Variants in ATP2C2 observed in about 807,000 individuals in gnomAD.
ATP2C2 encodes the protein ATPase secretory pathway Ca2+ transporting 2.
ATP2C2 carries 171 observed loss-of-function variants against 110.8 expected under a neutral mutation model. That is an observed-to-expected ratio of 1.54 (90% CI 1.36 to 1.75). The LOEUF (loss-of-function observed/expected upper bound fraction) is 1.75, where lower values mean the gene tolerates loss of function less well. ATP2C2 is among the 40% of genes most tolerant of loss of function. The pLI, the probability that ATP2C2 is intolerant of heterozygous loss-of-function variation, is 0.00. For synonymous variants in ATP2C2, 804 were observed against 508.4 expected (o/e 1.58, Z -7.82); for missense variants, 1,963 against 1,235.0 (o/e 1.59, Z -8.84).
At chr16:84,455,749 T>C (rs1363219175) in intron 21 of ATP2C2, among the ~76,000 whole-genome samples, 1 of 96,056 alleles carries the variant, frequency 1.0e-5, no homozygotes. Context: ...TTAACACACT[T>C]AGAAAAAAAA....
chr16:84,451,202 A>T (rs187740537), intron 17 of ATP2C2, among the ~76,000 whole-genome samples: 2 of 152,304 alleles, frequency 1.3e-5, no homozygotes, highest in Admixed American at 1.3e-4. Context: ...GAAACCCCTC[A>T]TAAAACCATC....
chr16:84,370,265 C>T (rs1248615200), intron 1 of ATP2C2, among the ~76,000 whole-genome samples: 1 of 152,202 alleles, frequency 6.6e-6, no homozygotes, highest in African/African-American at 2.4e-5. Context: ...GCCGGTCTGT[C>T]AGTGTGCTCT....
chr16:84,377,067 G>C (rs888786160), intron 1 of ATP2C2, among the ~76,000 whole-genome samples: 6 of 152,216 alleles, frequency 3.9e-5, no homozygotes, highest in African/African-American at 1.4e-4. Flanking sequence ...TAAGAACATG[G>C]GAAATTTAGT....
chr16:84,401,114 T>G (rs1056300417), intron 2 of ATP2C2, among the ~76,000 whole-genome samples: 4 of 152,214 alleles, frequency 2.6e-5, no homozygotes, highest in African/African-American at 9.6e-5. Flanking sequence ...TGCCTGTGCT[T>G]GTAGTATATT....
chr16:84,439,907 T>C (rs1399362846), intron 13 of ATP2C2, among the ~76,000 whole-genome samples: 2 of 152,218 alleles, frequency 1.3e-5, no homozygotes, highest in Non-Finnish European at 2.9e-5. Flanking sequence ...TGATCTCTGC[T>C]CACTGTAACC....
In ATP2C2 at chr16:84,418,599, T is replaced by C. The variant is rs1310606442; in HGVS notation, c.624+3008T>C. Among the ~76,000 whole-genome samples, 7 of 152,366 alleles carry C rather than the reference T, an allele frequency of 4.6e-5. No homozygotes were observed. In the East Asian group the frequency reaches 1.3e-3, roughly 29 times the overall value. ...TTATTTTTCCTCTGCGTTATTTTACTACACGGACACAGCAGCCCGCAGAGG... is the reference window on the plus strand; with the variant it reads ...TTATTTTTCCTCTGCGTTATTTTACCACACGGACACAGCAGCCCGCAGAGG... On this transcript the variant is annotated intron_variant, in intron 7 of 26. Coordinates refer to ENST00000262429, the MANE Select transcript of ATP2C2 (RefSeq NM_014861.4).
intron 23 of ATP2C2, 72 bp from the exon 24 acceptor site, chr16:84,460,582 G>A: frequency 4.4e-6 from 7 of 1,607,872 alleles, no homozygotes; most frequent in Non-Finnish European, 5.1e-6. Flanking sequence ...GGAGGCTCAG[G>A]CACAGCTGTT....
intron 25 of ATP2C2, 54 bp from the exon 26 acceptor site, chr16:84,461,934 C>G: frequency 1.9e-6 from 3 of 1,608,360 alleles, no homozygotes; most frequent in South Asian, 2.2e-5. Flanking sequence ...GCTCCCCTGC[C>G]TGTACCTGGG....
chr16:84,438,942 CAGGAG>C, intron 11 of ATP2C2: 1 of 515,008 alleles, frequency 1.9e-6, no homozygotes, highest in Non-Finnish European at 3.4e-6. Flanking sequence ...GGATGACTGA[CAGGAG>C]AGGTCCCTTC....
At chr16:84,454,753 T>C in intron 20 of ATP2C2, 65 bp from the exon 21 acceptor site, 1 of 1,484,304 alleles carries the variant, frequency 6.7e-7, no homozygotes, top group East Asian at 2.4e-5. Flanking sequence ...CCACAGGGTG[T>C]GCATGGCCGG....
At chr16:84,369,213 T>C (rs1181841910) in intron 1 of ATP2C2, among the ~76,000 whole-genome samples, 2 of 152,216 alleles carry the variant, frequency 1.3e-5, no homozygotes, top group East Asian at 3.8e-4. Flanking sequence ...TCAGGTACTT[T>C]TAGAAAGTCA....
intron 1 of ATP2C2, among the ~76,000 whole-genome samples, chr16:84,392,704 C>G (rs1597749762): frequency 6.6e-6 from 1 of 152,186 alleles, no homozygotes; most frequent in South Asian, 2.1e-4. Flanking sequence ...TTCAGGTGAT[C>G]TGCCTGCCTT....
intron 1 of ATP2C2, 145 bp downstream of exon 1, chr16:84,368,859 C>G (rs1909787411): frequency 8.4e-6 from 6 of 716,060 alleles, no homozygotes; most frequent in Middle Eastern, 3.9e-4. Context: ...GCTGTCCTCA[C>G]AGCAACCGCG....
chr16:84,446,471 C>T (rs755791265), intron 16 of ATP2C2, 41 bp downstream of exon 16: 20 of 1,439,536 alleles, frequency 1.4e-5, no homozygotes, highest in Middle Eastern at 1.8e-4. Flanking sequence ...TCTTTCTGCC[C>T]GGGCCCCCAC....
At chr16:84,437,619 A>C (rs1908861252) in intron 11 of ATP2C2, among the ~76,000 whole-genome samples, 1 of 152,002 alleles carries the variant, frequency 6.6e-6, no homozygotes, top group African/African-American at 2.4e-5. Flanking sequence ...AGGTTCAAGC[A>C]ATTCTCCTGC....
At chr16:84,460,349 G>C (rs77444095) in intron 23 of ATP2C2, 29 of 322,222 alleles carry the variant, frequency 9.0e-5, no homozygotes, top group Non-Finnish European at 1.3e-4. Context: ...CGCAACGTTG[G>C]GGGGGGTCCC....
rs532747467 is a variant in ATP2C2 at position 84,415,524 on chromosome 16, T to G, written c.557T>G (p.Leu186Arg). 2 of 1,614,202 alleles carry G rather than the reference T, an allele frequency of 1.2e-6. No homozygotes were observed. The highest frequency in any genetic ancestry group is 4.5e-5 in the East Asian group (2 of 44,880). ...GKLQHLLARE[L>R]VPGDVVSLSI... Reference sequence around the variant, plus strand: ...CTCCAGCACCTGCTTGCTCGAGAACTGGTTCCTGGTGATGTCGTATCTCTC... The same window carrying G: ...CTCCAGCACCTGCTTGCTCGAGAACGGGTTCCTGGTGATGTCGTATCTCTC... Residue 186 changes from leucine to arginine, a missense_variant, in exon 7 of 27, where the codon CTG becomes CGG. By Grantham distance (102) the Leu-to-Arg change is moderately radical (BLOSUM62 -2). Coordinates refer to ENST00000262429, the MANE Select transcript of ATP2C2 (RefSeq NM_014861.4).
chr16:84,376,171 T>G (rs146216251), intron 1 of ATP2C2, among the ~76,000 whole-genome samples: 1,678 of 152,204 alleles, frequency 0.011, 27 homozygotes, highest in South Asian at 0.022. Context: ...AGATAAGTAG[T>G]TTGGGTCAGC....
At chr16:84,372,703 C>T (rs1910026235) in intron 1 of ATP2C2, among the ~76,000 whole-genome samples, 1 of 152,116 alleles carries the variant, frequency 6.6e-6, no homozygotes, top group African/African-American at 2.4e-5. Context: ...GGATTACAGG[C>T]GTGAGCCACC....
Sources: allele counts gnomAD v4.1 joint callset (sites outside exome capture counted in the v4.1 genomes callset), GRCh38; gene constraint gnomAD v4.1.1; transcripts MANE v1.5; gene names NCBI Gene and HGNC (gene_info 2026-07-23, HGNC 2026-07-21).